Variants in RBFOX2 observed in about 807,000 individuals in gnomAD.
The protein encoded by RBFOX2 is RNA binding fox-1 homolog 2, also known as RNA binding protein fox-1 homolog 2.
RBFOX2 carries 10 observed loss-of-function variants against 49.1 expected under a neutral mutation model. The observed-to-expected ratio is 0.20, with a 90% CI of 0.13 to 0.35. RBFOX2 has a LOEUF of 0.35. Ranked by LOEUF, RBFOX2 falls within the 10% of genes least tolerant of loss-of-function variation. The pLI is 1.00. For synonymous variants in RBFOX2, 183 were observed against 187.4 expected, an observed-to-expected ratio of 0.98 and a Z score of 0.19; for missense variants, 323 against 486.9, an observed-to-expected ratio of 0.66 and a Z score of 3.17.
intron 1 of RBFOX2, among the ~76,000 whole-genome samples, chr22:36,021,396 TA>T (rs2059243837): frequency 6.7e-6 from 1 of 150,158 alleles, no homozygotes; most frequent in Non-Finnish European, 1.5e-5. Flanking sequence ...TGAAGTATAA[TA>T]AAAATAAAAA....
chr22:35,997,477 T>A (rs564049000), intron 1 of RBFOX2: 3 of 152,382 alleles, frequency 2.0e-5, no homozygotes, highest in Admixed American at 6.5e-5. Context: ...GCCCTGTCAC[T>A]ACAGAACTTC....
intron 1 of RBFOX2, among the ~76,000 whole-genome samples, chr22:35,836,689 T>C (rs1001317685): frequency 2.6e-5 from 4 of 152,236 alleles, no homozygotes; most frequent in African/African-American, 9.6e-5. Flanking sequence ...AAACTGGCAG[T>C]CTTATACCAT....
intron 1 of RBFOX2, among the ~76,000 whole-genome samples, chr22:35,968,126 C>CA (rs1326242479): frequency 6.6e-6 from 1 of 152,006 alleles, no homozygotes; most frequent in Non-Finnish European, 1.5e-5. Flanking sequence ...AAAAAAAAGC[C>CA]AAAAGCCAAA....
rs921067309 is a variant in RBFOX2, at chr22:35,985,421, A to G, written c.186+42819T>C. On this transcript the variant is annotated intron_variant, in intron 1 of 13. Transcript: ENST00000438146. The stretch of plus-strand genomic sequence containing the variant: ...GAAGTGCACAGGTAGAGACTGTGCA[A>G]TACTGAAGCAAACGGGTCATTCCAA... 2.0e-5 allele frequency among the ~76,000 whole-genome samples: 3 copies of G among 152,168 alleles called. No individual in the cohort carries two copies. The South Asian group carries it at 6.2e-4, about 32-fold the overall frequency.
At chr22:35,864,241 C>T (rs965834853) in intron 1 of RBFOX2, among the ~76,000 whole-genome samples, 7 of 152,076 alleles carry the variant, frequency 4.6e-5, no homozygotes, top group African/African-American at 1.2e-4. Flanking sequence ...TTTTGCTACA[C>T]TTTTTATATC....
intron 6 of RBFOX2, 96 bp downstream of exon 7, chr22:35,765,327 G>T: frequency 2.2e-6 from 2 of 899,752 alleles, no homozygotes; most frequent in African/African-American, 1.7e-5. Flanking sequence ...AAATCAAACT[G>T]TCTTAAGACG....
intron 9 of RBFOX2, among the ~76,000 whole-genome samples, chr22:35,751,735 A>C (rs943068448): frequency 6.6e-6 from 1 of 152,230 alleles, no homozygotes; most frequent in Non-Finnish European, 1.5e-5. Flanking sequence ...TTATGAAAAA[A>C]ATTTTAAAGT....
intron 2 of RBFOX2, among the ~76,000 whole-genome samples, chr22:35,786,101 T>C (rs1201756601): frequency 6.6e-6 from 1 of 152,232 alleles, no homozygotes; most frequent in Non-Finnish European, 1.5e-5. Context: ...CACTTTTACA[T>C]ATAACTTTAT....
intron 1 of RBFOX2, among the ~76,000 whole-genome samples, chr22:35,868,406 G>A (rs151308530): frequency 4.6e-4 from 70 of 152,188 alleles, no homozygotes; most frequent in African/African-American, 1.7e-3. Flanking sequence ...ATTTTAAACA[G>A]CAAAAGTGAG....
intron 1 of RBFOX2, among the ~76,000 whole-genome samples, chr22:35,987,138 A>G (rs910951458): frequency 2.0e-5 from 3 of 152,180 alleles, no homozygotes; most frequent in Admixed American, 2.0e-4. Context: ...CAAAGCCACA[A>G]TACTCGCTGA....
At chr22:35,771,842 C>T (rs1182405059) in intron 4 of RBFOX2, among the ~76,000 whole-genome samples, 1 of 152,092 alleles carries the variant, frequency 6.6e-6, no homozygotes, top group Admixed American at 6.6e-5. Flanking sequence ...TAAAGATGTT[C>T]ACAGATTATC....
chr22:35,889,871 T>C (rs1282974958), intron 1 of RBFOX2, among the ~76,000 whole-genome samples: 1 of 152,156 alleles, frequency 6.6e-6, no homozygotes, highest in Non-Finnish European at 1.5e-5. Context: ...GGTGTTGTTA[T>C]TAGCTTATTT....
intron 1 of RBFOX2, among the ~76,000 whole-genome samples, chr22:36,015,697 C>T (rs558258407): frequency 6.6e-6 from 1 of 152,136 alleles, no homozygotes; most frequent in Admixed American, 6.5e-5. Flanking sequence ...TAGGGGATAG[C>T]GACCTCATTT....
At chr22:35,765,854 G>A (rs765404034) in intron 5 of RBFOX2, among the ~76,000 whole-genome samples, 10 of 152,134 alleles carry the variant, frequency 6.6e-5, no homozygotes, top group African/African-American at 9.7e-5. Flanking sequence ...ACAGAGGCTT[G>A]CCACATGGGT....
At chr22:36,028,190 C>A in intron 1 of RBFOX2, 50 bp downstream of exon 1, 2 of 1,421,938 alleles carry the variant, frequency 1.4e-6, no homozygotes, top group Non-Finnish European at 1.8e-6. Flanking sequence ...CCGGTGTCGA[C>A]CCTCACGCCC....
At chr22:35,922,828 C>T (rs1267037535) in intron 1 of RBFOX2, among the ~76,000 whole-genome samples, 1 of 152,180 alleles carries the variant, frequency 6.6e-6, no homozygotes, top group African/African-American at 2.4e-5. Context: ...TGCTTCCCTG[C>T]TACCGTGCCA....
In RBFOX2 at chr22:35,805,272, A is replaced by G. The variant is rs572286376; in HGVS notation, c.252+4508T>C. 3.2e-4 allele frequency among the ~76,000 whole-genome samples: 47 copies of G among 145,992 alleles called. No homozygotes were observed. In the East Asian group the frequency reaches 9.3e-3, roughly 29 times the overall value. ...GCCACTGCACTCCAGCCTGGGCGAC[A>G]GAGCGAGACTCCGTCTCAAAAAAAA... is the stretch of plus-strand genomic sequence containing the variant. On this transcript the variant is annotated intron_variant, in intron 2 of 11. Coordinates refer to ENST00000405409, the Ensembl canonical transcript of RBFOX2.
intron 1 of RBFOX2, chr22:35,898,347 T>C (rs1050416811): frequency 1.3e-5 from 9 of 678,896 alleles, no homozygotes; most frequent in Non-Finnish European, 1.9e-5. Flanking sequence ...ATTGCAGTAA[T>C]GGCAGAATGT....
At chr22:35,891,453 T>C (rs957145700) in intron 1 of RBFOX2, among the ~76,000 whole-genome samples, 1 of 151,938 alleles carries the variant, frequency 6.6e-6, no homozygotes, top group African/African-American at 2.4e-5. Context: ...ATGTCTTTAA[T>C]CTTTAATCAT....
Sources: gnomAD v4.1 joint callset for allele counts (sites outside exome capture counted in the v4.1 genomes callset) on GRCh38, gnomAD v4.1.1 for gene constraint, MANE v1.5 for transcripts, NCBI Gene and HGNC (gene_info 2026-07-23, HGNC 2026-07-21) for gene names.